POSTN: variants seen among roughly 807,000 people sequenced by gnomAD.
POSTN encodes the protein osteoblast specific factor 2 (fasciclin I-like).
In POSTN, 71 loss-of-function variants were observed where a neutral mutation model predicts 104.5. The observed-to-expected ratio is 0.68, with a 90% confidence interval of 0.56 to 0.83. The LOEUF (loss-of-function observed/expected upper bound fraction) is 0.83. POSTN is among the 40% of genes least tolerant of loss of function. The pLI, the probability that POSTN is intolerant of heterozygous loss-of-function variation, is 0.00. For synonymous variants in POSTN, 355 were observed against 340.7 expected (o/e 1.04, Z -0.46); for missense variants, 949 against 1,006.8 (o/e 0.94, Z 0.78).
intron 16 of POSTN, among the ~76,000 whole-genome samples, chr13:37,574,975 A>G (rs1007333152): frequency 6.6e-6 from 1 of 152,046 alleles, no homozygotes; most frequent in Non-Finnish European, 1.5e-5. Flanking sequence ...TCTTGAAAAT[A>G]CTGGCTGCAT....
At chr13:37,563,762 A>AACCCAGAAATTCCAAACTTGTG (rs1593299703) in intron 22 of POSTN, among the ~76,000 whole-genome samples, 1 of 152,002 alleles carries the variant, frequency 6.6e-6, no homozygotes, top group East Asian at 1.9e-4. Context: ...CACTACTAGT[A>AACCCAGAAATTCCAAACTTGTG]TCTAATTAAC....
chr13:37,584,791 T>G lies in POSTN; in HGVS notation c.1033A>C (p.Met345Leu). Reference protein sequence around the residue: ...GDSITVNGIKMVNKKDIVTNN... With the variant: ...GDSITVNGIKLVNKKDIVTNN... Reference sequence around the variant, plus strand: ...GTCACAATATCCTTTTTGTTCACCATTTTGATTCCATTTACTGTTATACTG... The same window carrying G: ...GTCACAATATCCTTTTTGTTCACCAGTTTGATTCCATTTACTGTTATACTG... The change falls in exon 8 of 23, where the codon ATG becomes CTG. Residue 345 changes from methionine (M) to leucine (L), a missense_variant. Physicochemically the swap from Met to Leu is conservative, Grantham distance 15. Transcript: ENST00000379747. 2 of 1,613,860 alleles carry G rather than the reference T, an allele frequency of 1.2e-6. No homozygotes were observed. Among genetic ancestry groups the G allele is most frequent in the Non-Finnish European group, 1.7e-6 (2 of 1,179,860 alleles).
At position 37,570,830 on chromosome 13, in the gene POSTN, T is replaced by C. The variant is rs537513826; in HGVS notation, c.2180-161A>G. The C allele has an allele frequency of 3.2e-4, 180 of 566,810 alleles. No individual in the cohort carries two copies. The Middle Eastern group carries it at 6.2e-3, about 20-fold the overall frequency. The allele number at this position is 566,810 out of a possible 1,614,324, so 35.1% of individuals were successfully genotyped here. On this transcript the variant is annotated intron_variant, in intron 18 of 22. Coordinates refer to ENST00000379747, the MANE Select transcript of POSTN (RefSeq NM_006475.3). ...ACATATCCCCCAAAAATCATATCAATAGGGATCTAAAAGGTAATAGCTATG... is the reference window on the plus strand; with the variant it reads ...ACATATCCCCCAAAAATCATATCAACAGGGATCTAAAAGGTAATAGCTATG...
In POSTN at chr13:37,570,717, A is replaced by G. The variant is rs779869190; in HGVS notation, c.2180-48T>C. ...GCATTTGATTTACCCTCATATTGTG[A>G]CTATACATCCATAAGCTAGACATTG... On this transcript the variant is annotated intron_variant, in intron 18 of 22. Transcript: ENST00000379747. 31 of 1,129,536 alleles carry G rather than the reference A, an allele frequency of 2.7e-5. No homozygotes were observed. In the South Asian group the frequency reaches 3.4e-4, roughly 12 times the overall value. The allele number at this position is 1,129,536 out of a possible 1,614,324, so 70.0% of individuals were successfully genotyped here.
At chr13:37,569,208 T>A (rs1414010701) in intron 21 of POSTN, 92 bp downstream of exon 21, 1 of 877,578 alleles carries the variant, frequency 1.1e-6, no homozygotes, top group Admixed American at 2.5e-5. Flanking sequence ...TTTAACCCAA[T>A]TAAAAGAAAA....
intron 9 of POSTN, among the ~76,000 whole-genome samples, chr13:37,582,940 A>G (rs2138293600): frequency 6.6e-6 from 1 of 152,330 alleles, no homozygotes; most frequent in Admixed American, 6.5e-5. Flanking sequence ...CCTCTTAAAT[A>G]TGGGTTATTG....
chr13:37,588,042 C>G (rs1431565951), intron 4 of POSTN, 56 bp from the exon 5 acceptor site: 7 of 1,354,086 alleles, frequency 5.2e-6, no homozygotes, highest in Admixed American at 3.7e-5. Flanking sequence ...TAGTAAAAGT[C>G]TTACGATCAC....
intron 9 of POSTN, among the ~76,000 whole-genome samples, chr13:37,583,481 G>A (rs921977833): frequency 1.2e-4 from 16 of 129,904 alleles, no homozygotes; most frequent in South Asian, 2.6e-4. Context: ...TCACTCTGTC[G>A]CCCAGGCTAG....
intron 16 of POSTN, 47 bp downstream of exon 16, chr13:37,577,706 T>G (rs1311816686): frequency 1.3e-6 from 2 of 1,596,778 alleles, no homozygotes; most frequent in Non-Finnish European, 1.7e-6. Flanking sequence ...TTGTTTTCTT[T>G]TTTCATACCT....
In POSTN at chr13:37,582,399, T is replaced by C. The variant is rs770819635; in HGVS notation, c.1359A>G (p.Gly453=). 3 of 1,613,734 alleles carry C rather than the reference T, an allele frequency of 1.9e-6. No individual in the cohort carries two copies. The highest frequency in any genetic ancestry group is 1.1e-5 in the South Asian group (1 of 91,036). The change falls in exon 10 of 23, where the codon GGA becomes GGG. Residue 453 remains glycine, a synonymous_variant. Transcript: ENST00000379747. ...ATACGAAGACTCTGAGCTGTTTGCC[T>C]CCGATGGTTTCCAGTATTTGCCCGT... ...LYNGQILETI[G]GKQLRVFVYR...
At chr13:37,597,106 T>C in intron 2 of POSTN, 78 bp downstream of exon 2, 1 of 906,212 alleles carries the variant, frequency 1.1e-6, no homozygotes, top group East Asian at 2.9e-5. Context: ...AAGAATGGTG[T>C]GTACACCCAG....
chr13:37,585,402 T>C (rs1332589958), intron 7 of POSTN, among the ~76,000 whole-genome samples: 2 of 152,148 alleles, frequency 1.3e-5, no homozygotes, highest in Non-Finnish European at 2.9e-5. Flanking sequence ...AAGGAAGGCC[T>C]GTGAAATTCC....
At chr13:37,569,269 T>G (rs1421691400) in intron 21 of POSTN, 31 bp downstream of exon 21, 1 of 1,526,418 alleles carries the variant, frequency 6.6e-7, no homozygotes, top group Non-Finnish European at 9.1e-7. Context: ...TAGAACCTGT[T>G]AAGGGGGTTA....
Position 37,564,533 on chromosome 13 carries a change from T to G in POSTN, c.2459A>C (p.Asn820Thr). ...AATACACTTACCTTGAACTTTTTTG[T>G]TGGCTTGCAACTTCCTCACGGGTGT... is the stretch of plus-strand genomic sequence containing the variant. The part of the protein sequence containing the change: ...GDTPVRKLQA[N>T]KKVQGSRRRL... Residue 820 changes from asparagine (N) to threonine (T), a missense_variant, in exon 22 of 23, where the codon AAC becomes ACC. Transcript: ENST00000379747. 1 of 1,601,606 alleles carries G rather than the reference T, an allele frequency of 6.2e-7. No individual in the cohort carries two copies. The highest frequency in any genetic ancestry group is 1.1e-5 in the South Asian group (1 of 89,954).
Position 37,564,203 on chromosome 13 carries a change from T to C in POSTN, c.2473+316A>G, listed in dbSNP as rs1482189484. Reference sequence around the variant, plus strand: ...TTACATATATATATATATATATATATATATATATATATATATATATATATA... The same window carrying C: ...TTACATATATATATATATATATATACATATATATATATATATATATATATA... On this transcript the variant is annotated intron_variant, in intron 22 of 22. Transcript: ENST00000379747. Among the ~76,000 whole-genome samples, 120 of 123,664 alleles carry C rather than the reference T, an allele frequency of 9.7e-4. 5 individuals are homozygous for C. The highest frequency in any genetic ancestry group is 2.2e-3 in the African/African-American group (64 of 28,538). 81.1% of individuals were successfully genotyped at this position (123,664 alleles called of 152,430 possible).
At chr13:37,582,930 C>A (rs1441492053) in intron 9 of POSTN, among the ~76,000 whole-genome samples, 1 of 152,082 alleles carries the variant, frequency 6.6e-6, no homozygotes, top group African/African-American at 2.4e-5. Context: ...AAGCAAACAA[C>A]CTCTTAAATA....
intron 16 of POSTN, among the ~76,000 whole-genome samples, chr13:37,575,184 A>G (rs1276854514): frequency 6.6e-6 from 1 of 152,090 alleles, no homozygotes; most frequent in African/African-American, 2.4e-5. Flanking sequence ...AATTTCAGCC[A>G]GCCAGACATG....
At chr13:37,582,305 T>C in intron 10 of POSTN, 61 bp downstream of exon 10, 2 of 1,507,748 alleles carry the variant, frequency 1.3e-6, no homozygotes, top group Non-Finnish European at 1.8e-6. Context: ...AAATATTCAT[T>C]GAAACAGCAT....
At chr13:37,577,859 G>A (rs1950459741) in intron 15 of POSTN, 61 bp from the exon 16 acceptor site, 2 of 1,603,724 alleles carry the variant, frequency 1.2e-6, no homozygotes, top group Non-Finnish European at 1.7e-6. Context: ...ACAAAACCAT[G>A]GCACCACTTT....
Sources: allele counts gnomAD v4.1 joint callset (sites outside exome capture counted in the v4.1 genomes callset), GRCh38; gene constraint gnomAD v4.1.1; transcripts MANE v1.5; gene names NCBI Gene and HGNC (gene_info 2026-07-23, HGNC 2026-07-21).